ADAMTS19: variants seen among roughly 807,000 people sequenced by gnomAD.
The protein encoded by ADAMTS19 is ADAM metallopeptidase with thrombospondin type 1 motif 19.
In ADAMTS19, 93 loss-of-function variants were observed where a neutral mutation model predicts 153.3. The ratio of observed to expected loss-of-function variants is 0.61; its 90% confidence interval spans 0.51 to 0.72. The LOEUF (loss-of-function observed/expected upper bound fraction) is 0.72. Ranked by LOEUF, ADAMTS19 falls within the 30% of genes least tolerant of loss-of-function variation. The pLI, the probability that ADAMTS19 is intolerant of heterozygous loss-of-function variation, is 0.00. For synonymous variants in ADAMTS19, 600 were observed against 556.6 expected (o/e 1.08, Z -1.10); for missense variants, 1,482 against 1,552.1 (o/e 0.95, Z 0.76).
Position 129,564,597 on chromosome 5 carries a change from C to T in ADAMTS19, c.1372+12690C>T, listed in dbSNP as rs537633127. 8.5e-5 allele frequency among the ~76,000 whole-genome samples: 13 copies of T among 152,232 alleles called. No homozygotes were observed. The South Asian group carries it at 1.7e-3, about 19-fold the overall frequency. The stretch of plus-strand genomic sequence containing the variant: ...ACAGTAAAACAGCAAAAGGATTTTA[C>T]GAGGATTTTGGAAGGACTTAATACA... On this transcript the variant is annotated intron_variant, in intron 7 of 22. Coordinates refer to ENST00000274487, the MANE Select transcript of ADAMTS19 (RefSeq NM_133638.6).
intron 16 of ADAMTS19, among the ~76,000 whole-genome samples, chr5:129,669,075 A>AAT (rs1299899111): frequency 6.7e-6 from 1 of 150,112 alleles, no homozygotes; most frequent in Non-Finnish European, 1.5e-5. Context: ...AAAGTCCAGG[A>AAT]ATATATATAT....
chr5:129,687,246 T>C (rs1041904680), intron 18 of ADAMTS19, among the ~76,000 whole-genome samples: 1 of 151,948 alleles, frequency 6.6e-6, no homozygotes, highest in Admixed American at 6.6e-5. Flanking sequence ...AATGGAGGAG[T>C]AAAGTGATGG....
At chr5:129,536,077 T>G (rs1752410362) in intron 6 of ADAMTS19, among the ~76,000 whole-genome samples, 1 of 152,086 alleles carries the variant, frequency 6.6e-6, no homozygotes, top group South Asian at 2.1e-4. Context: ...CTAATTAAAC[T>G]AAAGAGCTTC....
In ADAMTS19 at chr5:129,647,849, C is replaced by T. The variant is rs780595297; in HGVS notation, c.1957C>T (p.Arg653Ter). The T allele has an allele frequency of 1.9e-6, 3 of 1,613,966 alleles. No individual in the cohort carries two copies. Among genetic ancestry groups the T allele is most frequent in the South Asian group, 1.1e-5 (1 of 91,070 alleles). The stretch of plus-strand genomic sequence containing the variant: ...GTGGAGCCTGTGGAGTCCTTGTAGC[C>T]GAACCTGCAGTGCTGGGATCAGCAG... ...GEWSLWSPCS[R>*]TCSAGISSRE... The change falls in exon 12 of 23, where the codon CGA (arginine) becomes TGA (stop). Residue 653 changes from arginine to a stop codon, truncating the protein, a stop_gained. Transcript: ENST00000274487. LOFTEE classifies it high-confidence loss of function.
intron 13 of ADAMTS19, 95 bp from the exon 14 acceptor site, chr5:129,654,211 T>A: frequency 8.3e-7 from 1 of 1,204,838 alleles, no homozygotes; most frequent in Non-Finnish European, 1.1e-6. Context: ...TGAATTATAT[T>A]TTTTACTCAA....
chr5:129,501,889 A>T (rs1751118571), intron 2 of ADAMTS19, among the ~76,000 whole-genome samples: 1 of 152,156 alleles, frequency 6.6e-6, no homozygotes, highest in African/African-American at 2.4e-5. Context: ...GGGTAACTAA[A>T]AAAAGGTACA....
Position 129,700,841 on chromosome 5 carries a change from A to G in ADAMTS19, c.2955-547A>G, listed in dbSNP as rs138859922. On this transcript the variant is annotated intron_variant, in intron 19 of 22. Coordinates refer to ENST00000274487, the MANE Select transcript of ADAMTS19 (RefSeq NM_133638.6). ...ATAAGAACAAGTTCCAAGAGAAGAAATATGGAGCACTCAAAGCAAGAGGAA... is the reference window on the plus strand; with the variant it reads ...ATAAGAACAAGTTCCAAGAGAAGAAGTATGGAGCACTCAAAGCAAGAGGAA... Among the ~76,000 whole-genome samples, 548 of 152,170 alleles carry G rather than the reference A, an allele frequency of 3.6e-3. 7 individuals carry two copies. Among genetic ancestry groups the G allele is most frequent in the African/African-American group, 0.013 (525 of 41,514 alleles).
intron 8 of ADAMTS19, among the ~76,000 whole-genome samples, chr5:129,619,399 T>C (rs1338956045): frequency 2.0e-5 from 3 of 152,128 alleles, no homozygotes; most frequent in Non-Finnish European, 2.9e-5. Flanking sequence ...ATATGATTTA[T>C]GATACCTAGA....
At chr5:129,658,339 A>AG (rs1561632332) in intron 14 of ADAMTS19, among the ~76,000 whole-genome samples, 17 of 109,182 alleles carry the variant, frequency 1.6e-4, no homozygotes, top group East Asian at 9.6e-4. Context: ...GAAAGAAAGA[A>AG]AGAAAGAAAG....
chr5:129,588,357 T>C (rs1341551767), intron 7 of ADAMTS19, among the ~76,000 whole-genome samples: 1 of 152,130 alleles, frequency 6.6e-6, no homozygotes, highest in East Asian at 1.9e-4. Context: ...AAGTGTTGTT[T>C]GGTGGCATTG....
At position 129,659,747 on chromosome 5, in the gene ADAMTS19, A is replaced by AT. The variant is rs76200879; in HGVS notation, c.2425+1019dup. The stretch of plus-strand genomic sequence containing the variant: ...AGGCATGCACCACCATGCCCAGCTA[A>AT]TTTTTTTTTAATTTTGTTTTTTGTA... On this transcript the variant is annotated intron_variant, in intron 15 of 22. Transcript: ENST00000274487. 1.8e-3 allele frequency among the ~76,000 whole-genome samples: 275 copies of AT among 151,226 alleles called. 3 individuals are homozygous for AT. The East Asian group carries it at 0.038, about 21-fold the overall frequency.
Position 129,523,103 on chromosome 5 carries a change from A to C in ADAMTS19, c.914-3181A>C, listed in dbSNP as rs190934575. Among the ~76,000 whole-genome samples, 95 of 152,202 alleles carry C rather than the reference A, an allele frequency of 6.2e-4. 1 individual carries two copies. The highest frequency in any genetic ancestry group is 2.2e-3 in the African/African-American group (92 of 41,538). The stretch of plus-strand genomic sequence containing the variant: ...GAGAAGATAAATTAATTCTGTAAAA[A>C]TGAAAATATGTTAGAGGTCAAAGCA... On this transcript the variant is annotated intron_variant, in intron 3 of 22. Coordinates refer to ENST00000274487, the MANE Select transcript of ADAMTS19 (RefSeq NM_133638.6).
At chr5:129,605,387 A>T (rs1010669074) in intron 8 of ADAMTS19, among the ~76,000 whole-genome samples, 9 of 152,154 alleles carry the variant, frequency 5.9e-5, no homozygotes, top group African/African-American at 1.4e-4. Flanking sequence ...CAAACATAAA[A>T]GACTAACAGT....
At chr5:129,591,666 T>A (rs1750139867) in intron 7 of ADAMTS19, among the ~76,000 whole-genome samples, 2 of 152,060 alleles carry the variant, frequency 1.3e-5, no homozygotes, top group South Asian at 4.1e-4. Context: ...ATTTTTCTTC[T>A]GTTATGCTTC....
rs76731703 is a variant in ADAMTS19, at chr5:129,666,243, C to T, written c.2506+664C>T. ...AAAAATACTAAATTGTCAAAATATA[C>T]GTGCTCATATGTTAAAGTTTCAATC... On this transcript the variant is annotated intron_variant, in intron 16 of 22. Coordinates refer to ENST00000274487, the MANE Select transcript of ADAMTS19 (RefSeq NM_133638.6). 8.4e-3 allele frequency among the ~76,000 whole-genome samples: 1,279 copies of T among 151,810 alleles called. 20 individuals are homozygous for T. Among genetic ancestry groups the T allele is most frequent in the African/African-American group, 0.025 (1,036 of 41,424 alleles).
intron 8 of ADAMTS19, among the ~76,000 whole-genome samples, chr5:129,605,992 A>G (rs1750874008): frequency 6.6e-6 from 1 of 152,186 alleles, no homozygotes; most frequent in Non-Finnish European, 1.5e-5. Context: ...TTTTTGAACC[A>G]GAGAAAAAGG....
At position 129,702,939 on chromosome 5, in the gene ADAMTS19, AAAATATATAT is replaced by A. The variant is rs1410899541; in HGVS notation, c.3160-1298_3160-1289del. 1.1e-3 allele frequency among the ~76,000 whole-genome samples: 16 copies of A among 14,222 alleles called. 1 individual carries two copies. Among genetic ancestry groups the A allele is most frequent in the African/African-American group, 2.5e-3 (15 of 5,962 alleles). The allele number at this position is 14,222 out of a possible 152,430, so 9.3% of individuals were successfully genotyped here. ...CATAGTTTGACTTGCCAAAAAAAAA[AAAATATATAT>A]ATATATATATATATATATATATACA... is the stretch of plus-strand genomic sequence containing the variant. On this transcript the variant is annotated intron_variant, in intron 20 of 22. Coordinates refer to ENST00000274487, the MANE Select transcript of ADAMTS19 (RefSeq NM_133638.6).
intron 6 of ADAMTS19, among the ~76,000 whole-genome samples, chr5:129,549,554 TAAAC>T (rs1411617835): frequency 3.3e-5 from 5 of 151,700 alleles, no homozygotes; most frequent in African/African-American, 9.6e-5. Flanking sequence ...AACTTTGAGA[TAAAC>T]AAATCAAAAA....
At chr5:129,559,323 T>C (rs564969875) in intron 7 of ADAMTS19, among the ~76,000 whole-genome samples, 2 of 151,632 alleles carry the variant, frequency 1.3e-5, no homozygotes, top group Non-Finnish European at 2.9e-5. Context: ...AACAAGGAAG[T>C]AGACATGCCA....
Sources: gnomAD v4.1 joint callset for allele counts (sites outside exome capture counted in the v4.1 genomes callset) on GRCh38, gnomAD v4.1.1 for gene constraint, MANE v1.5 for transcripts, NCBI Gene and HGNC (gene_info 2026-07-23, HGNC 2026-07-21) for gene names.